ZDHHC3: variants seen among roughly 807,000 people sequenced by gnomAD.
ZDHHC3 encodes the protein zDHHC palmitoyltransferase 3.
ZDHHC3 carries 9 observed loss-of-function variants against 30.6 expected under a neutral mutation model. The ratio of observed to expected loss-of-function variants is 0.29; its 90% CI spans 0.18 to 0.51. The LOEUF (loss-of-function observed/expected upper bound fraction) is 0.51, where lower values mean the gene tolerates loss of function less well. Among genes scored for constraint, ZDHHC3 ranks in the 20% least tolerant of loss-of-function variants. ZDHHC3 has a pLI of 0.97. For missense variants in ZDHHC3, 246 were observed against 384.2 expected (o/e 0.64, Z 3.01); for synonymous variants, 136 against 140.2 (o/e 0.97, Z 0.21).
rs116102556 is a variant in ZDHHC3, at chr3:44,964,561, C to T, written c.-24-5101G>A. The stretch of plus-strand genomic sequence containing the variant: ...CTTCATAATGAGATGGGATTTCATC[C>T]TGAAAGGTACTGGTGAGCCATAAAG... On this transcript the variant is annotated intron_variant, in intron 1 of 6. Coordinates refer to ENST00000424952, the MANE Select transcript of ZDHHC3 (RefSeq NM_001135179.2). 1.5e-3 allele frequency among the ~76,000 whole-genome samples: 229 copies of T among 152,276 alleles called. 1 individual carries two copies. The highest frequency in any genetic ancestry group is 2.7e-3 in the Admixed American group (41 of 15,298).
rs981663226 is a variant in ZDHHC3 at position 44,958,525 on chromosome 3, C to T, written c.306+606G>A. 8 of 1,410,514 alleles carry T rather than the reference C, an allele frequency of 5.7e-6. No individual in the cohort carries two copies. The African/African-American group carries it at 1.1e-4, about 20-fold the overall frequency. 87.4% of individuals were successfully genotyped at this position (1,410,514 alleles called of 1,614,324 possible). ...CACAAACATTCAATAGCCACGTGCG[C>T]AGCTTGGCATATTTAGCTAAGTCAT... On this transcript the variant is annotated intron_variant, in intron 2 of 6. Coordinates refer to ENST00000424952, the MANE Select transcript of ZDHHC3 (RefSeq NM_001135179.2).
At chr3:44,946,832 G>A (rs2125872564) in intron 2 of ZDHHC3, among the ~76,000 whole-genome samples, 1 of 152,258 alleles carries the variant, frequency 6.6e-6, no homozygotes, top group East Asian at 1.9e-4. Context: ...GATGGGCCGG[G>A]GCCAGCCCAT....
At position 44,976,149 on chromosome 3, in the gene ZDHHC3, C is replaced by A. The variant is rs918204268; in HGVS notation, c.-241G>T. On this transcript the variant is annotated 5_prime_UTR_variant, in exon 1 of 7. Transcript: ENST00000424952. ...CTCCCGGCAGTGGCGGCGGCCGCGG[C>A]TGCAGGAGCGGCCGCCGCGCAGGTT... 1 of 746,134 alleles carries A rather than the reference C, an allele frequency of 1.3e-6. No individual in the cohort carries two copies. Among genetic ancestry groups the A allele is most frequent in the Non-Finnish European group, 1.9e-6 (1 of 526,432 alleles). The allele number at this position is 746,134 out of a possible 1,614,324, so 46.2% of individuals were successfully genotyped here. A position where few individuals can be genotyped will look rare whatever the true frequency, so the allele number is the denominator to read the frequency against.
At chr3:44,968,309 T>A (rs1187433065) in intron 1 of ZDHHC3, among the ~76,000 whole-genome samples, 6 of 150,108 alleles carry the variant, frequency 4.0e-5, no homozygotes, top group South Asian at 2.1e-4. Context: ...TCTGACTCTT[T>A]AAAAAAAAAC....
Position 44,921,899 on chromosome 3 carries a change from G to A in ZDHHC3, c.*4790C>T, listed in dbSNP as rs948225104. 6 of 985,246 alleles carry A rather than the reference G, an allele frequency of 6.1e-6. No homozygotes were observed. The South Asian group carries it at 2.3e-4, about 39-fold the overall frequency. 61.0% of individuals were successfully genotyped at this position (985,246 alleles called of 1,614,324 possible). The stretch of plus-strand genomic sequence containing the variant: ...CTTATGTCCGTGTTAGAGCATGTGC[G>A]GCCCCTAGAAGGCTTTTAGCGAACG... On this transcript the variant is annotated 3_prime_UTR_variant, in exon 7 of 7. Transcript: ENST00000424952.
Position 44,923,426 on chromosome 3 carries a change from G to C in ZDHHC3, c.*3263C>G. On this transcript the variant is annotated 3_prime_UTR_variant, in exon 7 of 7. Transcript: ENST00000424952. ...GTTTGTTAATTTACCTCACCTAAAC[G>C]GTTTCTGCATTAGGGGACGGTGGAT... 5 of 985,344 alleles carry C rather than the reference G, an allele frequency of 5.1e-6. No individual in the cohort carries two copies. The highest frequency in any genetic ancestry group is 6.0e-6 in the Non-Finnish European group (5 of 829,926). The allele number at this position is 985,344 out of a possible 1,614,324, so 61.0% of individuals were successfully genotyped here.
chr3:44,945,961 A>T lies in ZDHHC3; in HGVS notation c.307-669T>A, dbSNP rs563548260. On this transcript the variant is annotated intron_variant, in intron 2 of 6. Coordinates refer to ENST00000424952, the MANE Select transcript of ZDHHC3 (RefSeq NM_001135179.2). ...TAATTGAATCCATTCTCTCCTATATAACAGCAAGGATTTGGCTCACTGACT... is the reference window on the plus strand; with the variant it reads ...TAATTGAATCCATTCTCTCCTATATTACAGCAAGGATTTGGCTCACTGACT... Among the ~76,000 whole-genome samples, 38 of 152,330 alleles carry T rather than the reference A, an allele frequency of 2.5e-4. 1 individual carries two copies. In the South Asian group the frequency reaches 7.9e-3, roughly 32 times the overall value.
intron 1 of ZDHHC3, among the ~76,000 whole-genome samples, chr3:44,960,495 A>G (rs1476612519): frequency 6.6e-6 from 1 of 152,262 alleles, no homozygotes; most frequent in East Asian, 1.9e-4. Context: ...TGGAGACAGC[A>G]ATGAAACAAC....
intron 3 of ZDHHC3, among the ~76,000 whole-genome samples, chr3:44,940,489 G>C (rs368089201): frequency 6.6e-6 from 1 of 152,126 alleles, no homozygotes. Context: ...ATTCCTTTCT[G>C]GCACTAATTC....
intron 2 of ZDHHC3, chr3:44,958,642 T>C (rs1383229594): frequency 6.5e-7 from 1 of 1,535,986 alleles, no homozygotes; most frequent in Non-Finnish European, 8.7e-7. Context: ...CAGGAAAAGA[T>C]GCACCTCGCC....
chr3:44,945,706 C>T (rs1260727296), intron 2 of ZDHHC3, among the ~76,000 whole-genome samples: 7 of 151,844 alleles, frequency 4.6e-5, no homozygotes, highest in Non-Finnish European at 8.8e-5. Flanking sequence ...TATAGGTGCT[C>T]GCCACCACGC....
chr3:44,970,462 G>A (rs987700122), intron 1 of ZDHHC3, among the ~76,000 whole-genome samples: 2 of 152,198 alleles, frequency 1.3e-5, no homozygotes, highest in Non-Finnish European at 2.9e-5. Flanking sequence ...TTACCATTCT[G>A]GGCCTCAGTT....
chr3:44,925,704 C>T lies in ZDHHC3; in HGVS notation c.*985G>A. 1 of 985,512 alleles carries T rather than the reference C, an allele frequency of 1.0e-6. No individual in the cohort carries two copies. The highest frequency in any genetic ancestry group is 4.7e-5 in the South Asian group (1 of 21,292). 61.0% of individuals were successfully genotyped at this position (985,512 alleles called of 1,614,324 possible). On this transcript the variant is annotated 3_prime_UTR_variant, in exon 7 of 7. Transcript: ENST00000424952. ...TATAGATAAGACACAGGTACGTGCACATTTATGGGGGTTAACTATCAGAAA... is the reference window on the plus strand; with the variant it reads ...TATAGATAAGACACAGGTACGTGCATATTTATGGGGGTTAACTATCAGAAA...
rs114130114 is a variant in ZDHHC3, at chr3:44,959,551, C to T, written c.-24-91G>A. On this transcript the variant is annotated intron_variant, in intron 1 of 6. Transcript: ENST00000424952. This position sits in a 1 kb window ranked among gnomAD's most constrained non-coding sequence, Gnocchi z 4.3. The stretch of plus-strand genomic sequence containing the variant: ...TTGCTCCCATAGTGAGTTGTGATTA[C>T]TTATCTGCAACCCCTGTGTGCAAAG... 0.015 allele frequency: 16,395 copies of T among 1,102,766 alleles called. 169 individuals carry two copies. Among genetic ancestry groups the T allele is most frequent in the Non-Finnish European group, 0.018 (14,033 of 768,972 alleles). 68.3% of individuals were successfully genotyped at this position (1,102,766 alleles called of 1,614,324 possible).
At chr3:44,943,563 C>G (rs541702327) in intron 3 of ZDHHC3, among the ~76,000 whole-genome samples, 3 of 152,186 alleles carry the variant, frequency 2.0e-5, no homozygotes, top group Non-Finnish European at 4.4e-5. Context: ...CTCTCACACA[C>G]CCAAATGTCT....
At chr3:44,970,027 C>G (rs924111416) in intron 1 of ZDHHC3, 1 of 152,260 alleles carries the variant, frequency 6.6e-6, no homozygotes, top group African/African-American at 2.4e-5. Flanking sequence ...ATCACTTAGG[C>G]TAGGCCAGAG....
chr3:44,916,827 G>GGTGTGT lies in ZDHHC3; in HGVS notation c.*9856_*9861dup, dbSNP rs143002646. On this transcript the variant is annotated 3_prime_UTR_variant, in exon 7 of 7. Transcript: ENST00000424952. ...ATAGAGGGCAGACTCATCCTGGTGG[G>GGTGTGT]GTGTGTGTGTGTGTGTGTGTGTTTG... The GGTGTGT allele has an allele frequency of 1.3e-5, 2 of 149,842 alleles. No individual in the cohort carries two copies. Among genetic ancestry groups the GGTGTGT allele is most frequent in the African/African-American group, 4.9e-5 (2 of 40,864 alleles). 9.3% of individuals were successfully genotyped at this position (149,842 alleles called of 1,614,324 possible).
chr3:44,938,810 A>G (rs568253501), intron 3 of ZDHHC3, among the ~76,000 whole-genome samples: 17 of 152,304 alleles, frequency 1.1e-4, no homozygotes, highest in Admixed American at 2.6e-4. Flanking sequence ...ACCTGGAAGC[A>G]AAGACTACCC....
At chr3:44,951,836 T>C (rs956155145) in intron 2 of ZDHHC3, among the ~76,000 whole-genome samples, 1 of 152,168 alleles carries the variant, frequency 6.6e-6, no homozygotes, top group Non-Finnish European at 1.5e-5. Context: ...AGCCCTTGTC[T>C]TCCTTGGGGT....
Sources: allele counts gnomAD v4.1 joint callset (sites outside exome capture counted in the v4.1 genomes callset), GRCh38; gene constraint gnomAD v4.1.1; non-coding constraint Gnocchi (gnomAD v3.1); transcripts MANE v1.5; gene names NCBI Gene and HGNC (gene_info 2026-07-23, HGNC 2026-07-21).